ROCK1: variants seen among roughly 807,000 people sequenced by gnomAD.
ROCK1 encodes rho-associated protein kinase 1.
A neutral mutation model predicts 196.8 loss-of-function variants in ROCK1; 36 were observed. The observed-to-expected ratio is 0.18, with a 90% CI of 0.14 to 0.24. The LOEUF is 0.24. Ranked by LOEUF, ROCK1 falls within the 10% of genes least tolerant of loss-of-function variation. The pLI is 1.00. For synonymous variants in ROCK1, 443 were observed against 515.9 expected, an observed-to-expected ratio of 0.86 and a Z score of 1.91; for missense variants, 920 against 1,562.0, an observed-to-expected ratio of 0.59 and a Z score of 6.93.
rs1294418656 is a variant in ROCK1 at position 21,045,405 on chromosome 18, T to C, written c.477A>G (p.Gly159=). Residue 159 remains glycine, a synonymous_variant, in exon 5 of 33, where the codon GGA becomes GGG. Coordinates refer to ENST00000399799, the MANE Select transcript of ROCK1 (RefSeq NM_005406.3). ...AGTTGCTCATTAAGTTTACAAGATC[T>C]CCACCAGGCATGTATTCCATCACCA... ...LYMVMEYMPG[G]DLVNLMSNYD... The C allele has an allele frequency of 5.0e-6, 8 of 1,613,754 alleles. No homozygotes were observed. Among genetic ancestry groups the C allele is most frequent in the Non-Finnish European group, 5.9e-6 (7 of 1,179,944 alleles).
chr18:20,997,972 G>T (rs1431260764), intron 16 of ROCK1, among the ~76,000 whole-genome samples: 1 of 151,970 alleles, frequency 6.6e-6, no homozygotes, highest in Non-Finnish European at 1.5e-5. Flanking sequence ...AACTAGCTGG[G>T]ACTACAGGTG....
chr18:20,993,308 T>C (rs2143411623), intron 16 of ROCK1, among the ~76,000 whole-genome samples: 1 of 152,278 alleles, frequency 6.6e-6, no homozygotes, highest in Admixed American at 6.5e-5. Context: ...GTTCACGCCA[T>C]TCTCCTGCCT....
At chr18:21,026,680 T>C (rs1181986927) in intron 10 of ROCK1, among the ~76,000 whole-genome samples, 1 of 152,094 alleles carries the variant, frequency 6.6e-6, no homozygotes, top group Non-Finnish European at 1.5e-5. Flanking sequence ...CTTTTTGTTT[T>C]CTAAGATTAA....
At chr18:21,030,046 T>C (rs2035992963) in intron 9 of ROCK1, among the ~76,000 whole-genome samples, 1 of 152,084 alleles carries the variant, frequency 6.6e-6, no homozygotes, top group Non-Finnish European at 1.5e-5. Flanking sequence ...AAACAACACA[T>C]TTAGCCAAAT....
At chr18:21,052,935 C>T (rs1398585897) in intron 2 of ROCK1, among the ~76,000 whole-genome samples, 1 of 152,140 alleles carries the variant, frequency 6.6e-6, no homozygotes, top group African/African-American at 2.4e-5. Flanking sequence ...CATTGTGATA[C>T]ATATTCTAAA....
At chr18:21,075,476 TAACTAGATGGC>T (rs944774838) in intron 1 of ROCK1, among the ~76,000 whole-genome samples, 15 of 152,214 alleles carry the variant, frequency 9.9e-5, no homozygotes. Flanking sequence ...ATTTCATGAA[TAACTAGATGGC>T]AGCTGAATAT....
rs969645137 is a variant in ROCK1 at position 20,949,225 on chromosome 18, T to C, written c.*2159A>G. 3.3e-5 allele frequency: 5 copies of C among 152,030 alleles called. No homozygotes were observed. Among genetic ancestry groups the C allele is most frequent in the Non-Finnish European group, 5.9e-5 (4 of 68,010 alleles). The allele number at this position is 152,030 out of a possible 1,614,324, so 9.4% of individuals were successfully genotyped here. A position where few individuals can be genotyped will look rare whatever the true frequency, so the allele number is the denominator to read the frequency against. On this transcript the variant is annotated 3_prime_UTR_variant, in exon 33 of 33. Coordinates refer to ENST00000399799, the MANE Select transcript of ROCK1 (RefSeq NM_005406.3). ...AACTGGACCTTAAAATATTAGGTAA[T>C]GGTGATGAGTCTGAGAAGGTAGTAA...
intron 16 of ROCK1, among the ~76,000 whole-genome samples, chr18:20,994,057 ATAAATAT>A (rs1187686982): frequency 6.6e-6 from 1 of 152,228 alleles, no homozygotes; most frequent in African/African-American, 2.4e-5. Context: ...TAATAAACAA[ATAAATAT>A]TAAATCTTTG....
At position 21,058,793 on chromosome 18, in the gene ROCK1, G is replaced by A. The variant is rs1362421417; in HGVS notation, c.176-8913C>T. ...ACAGTTTTGCCATGTTGCCCAGGCC[G>A]ATCTCGAACTCCTGGGCTCAAGTGA... On this transcript the variant is annotated intron_variant, in intron 2 of 32. Transcript: ENST00000399799. Among the ~76,000 whole-genome samples, 6 of 152,160 alleles carry A rather than the reference G, an allele frequency of 3.9e-5. No individual in the cohort carries two copies. In the South Asian group the frequency reaches 8.3e-4, roughly 21 times the overall value.
chr18:21,109,619 C>G (rs901298369), intron 1 of ROCK1, among the ~76,000 whole-genome samples: 1 of 152,034 alleles, frequency 6.6e-6, no homozygotes, highest in Non-Finnish European at 1.5e-5. Context: ...TCAAACAACC[C>G]ACAATAGTCT....
intron 1 of ROCK1, among the ~76,000 whole-genome samples, chr18:21,086,761 G>GAAA (rs1307007720): frequency 9.3e-6 from 1 of 107,750 alleles, no homozygotes; most frequent in Non-Finnish European, 2.0e-5. Flanking sequence ...TACATCCACT[G>GAAA]AAAAAAAAAA....
rs1163229070 is a variant in ROCK1 at position 20,947,204 on chromosome 18, A to C, written c.*4180T>G. 6.6e-6 allele frequency: 1 copy of C among 152,102 alleles called. No individual in the cohort carries two copies. The highest frequency in any genetic ancestry group is 1.5e-5 in the Non-Finnish European group (1 of 68,036). The allele number at this position is 152,102 out of a possible 1,614,324, so 9.4% of individuals were successfully genotyped here. A position where few individuals can be genotyped will look rare whatever the true frequency, so the allele number is the denominator to read the frequency against. ...ACTTTCAATATGTGAAGTGGAATTA[A>C]TGTTATTCTTTTCCTACCTCACAAA... is the stretch of plus-strand genomic sequence containing the variant. On this transcript the variant is annotated 3_prime_UTR_variant, in exon 33 of 33. Transcript: ENST00000399799.
At position 21,028,921 on chromosome 18, in the gene ROCK1, C is replaced by T. The variant is rs946704802; in HGVS notation, c.1066G>A (p.Val356Ile). 1 of 1,608,598 alleles carries T rather than the reference C, an allele frequency of 6.2e-7. No individual in the cohort carries two copies. Among genetic ancestry groups the T allele is most frequent in the African/African-American group, 1.3e-5 (1 of 74,634 alleles). ...ETLRDTVAPVVPDLSSDIDTS... is the reference protein window; with the variant it reads ...ETLRDTVAPVIPDLSSDIDTS... ...TCAATGTCACTACTTAAATCGGGTA[C>T]AACTGGTGCTACAGCTAAAGACAAA... Residue 356 changes from valine (V) to isoleucine (I), a missense_variant, in exon 10 of 33, where the codon GTA (valine) becomes ATA (isoleucine). Physicochemically the swap from Val to Ile is conservative, Grantham distance 29 (BLOSUM62 3). This residue lies in a region of ROCK1 where 234 missense variants were observed against 460.7 expected (regional missense o/e 0.51). Transcript: ENST00000399799.
intron 2 of ROCK1, among the ~76,000 whole-genome samples, chr18:21,070,077 G>A (rs1297300395): frequency 6.7e-6 from 1 of 149,058 alleles, no homozygotes; most frequent in Non-Finnish European, 1.5e-5. Context: ...AATAAATAAA[G>A]TAAGGAGGAC....
intron 8 of ROCK1, among the ~76,000 whole-genome samples, chr18:21,041,581 A>AT (rs2036107317): frequency 6.6e-6 from 1 of 152,100 alleles, no homozygotes; most frequent in Non-Finnish European, 1.5e-5. Context: ...ACCAACTATT[A>AT]TGTCTAGAAG....
intron 1 of ROCK1, among the ~76,000 whole-genome samples, chr18:21,089,966 A>C (rs1392457337): frequency 6.6e-6 from 1 of 152,218 alleles, no homozygotes; most frequent in Admixed American, 6.5e-5. Flanking sequence ...ATTTGCTACT[A>C]CATCAAATTT....
At chr18:20,971,306 A>ACACACACG in intron 22 of ROCK1, among the ~76,000 whole-genome samples, 1 of 6,382 alleles carries the variant, frequency 1.6e-4, no homozygotes, top group South Asian at 0.026. Context: ...TAGTAAACAT[A>ACACACACG]CACACACACA....
intron 16 of ROCK1, among the ~76,000 whole-genome samples, chr18:21,003,396 C>G (rs2035742960): frequency 6.6e-6 from 1 of 152,056 alleles, no homozygotes; most frequent in African/African-American, 2.4e-5. Context: ...GCAATAAGAA[C>G]AAATTATGAG....
At chr18:21,033,807 A>G (rs1256808534) in intron 9 of ROCK1, among the ~76,000 whole-genome samples, 3 of 145,620 alleles carry the variant, frequency 2.1e-5, no homozygotes, top group Non-Finnish European at 3.0e-5. Context: ...TCACGAGGTC[A>G]GGAAATCGAG....
Sources: allele counts gnomAD v4.1 joint callset (sites outside exome capture counted in the v4.1 genomes callset), GRCh38; gene constraint gnomAD v4.1.1; regional missense constraint gnomAD v4.1.1; transcripts MANE v1.5; gene names NCBI Gene and HGNC (gene_info 2026-07-23, HGNC 2026-07-21).